FMNL2: variants seen among roughly 807,000 people sequenced by gnomAD.
FMNL2 encodes the protein formin like 2.
Under a neutral mutation model 130.2 loss-of-function variants are expected in FMNL2, and 51 were observed. That is an observed-to-expected ratio of 0.39 (90% CI 0.31 to 0.49). The LOEUF (loss-of-function observed/expected upper bound fraction) is 0.49, where lower values mean the gene tolerates loss of function less well. Among genes scored for constraint, FMNL2 ranks in the 20% least tolerant of loss-of-function variants. FMNL2 has a pLI of 0.85. For synonymous variants in FMNL2, 465 were observed against 467.1 expected (o/e 1.00, Z 0.06); for missense variants, 977 against 1,316.2 (o/e 0.74, Z 3.99).
chr2:152,526,681 CTGTT>C (rs1391860546), intron 2 of FMNL2, among the ~76,000 whole-genome samples: 3 of 152,240 alleles, frequency 2.0e-5, no homozygotes, highest in Middle Eastern at 3.4e-3. Flanking sequence ...TTTTTGCGAT[CTGTT>C]TAATTCTTTT....
At position 152,347,163 on chromosome 2, in the gene FMNL2, T is replaced by G. The variant is rs549521994; in HGVS notation, c.117+11443T>G. 3.9e-3 allele frequency among the ~76,000 whole-genome samples: 589 copies of G among 152,104 alleles called. 1 individual carries two copies. Among genetic ancestry groups the G allele is most frequent in the Non-Finnish European group, 6.5e-3 (441 of 67,990 alleles). On this transcript the variant is annotated intron_variant, in intron 1 of 25. Transcript: ENST00000288670. Reference sequence around the variant, plus strand: ...CTCCCAGATCAGGAATCAGAATCCCTCCCTCCCTCTTGTTCTTCAGGAGTG... The same window carrying G: ...CTCCCAGATCAGGAATCAGAATCCCGCCCTCCCTCTTGTTCTTCAGGAGTG...
intron 1 of FMNL2, among the ~76,000 whole-genome samples, chr2:152,337,655 A>G (rs1252020054): frequency 6.6e-6 from 1 of 152,140 alleles, no homozygotes; most frequent in Non-Finnish European, 1.5e-5. Context: ...AGTTGCAAAT[A>G]TAGTATTTAG....
At chr2:152,465,438 A>G (rs748274809) in intron 1 of FMNL2, among the ~76,000 whole-genome samples, 3 of 152,230 alleles carry the variant, frequency 2.0e-5, no homozygotes, top group Non-Finnish European at 2.9e-5. Context: ...CAAAGTGGTT[A>G]AAGTGGGACA....
intron 21 of FMNL2, 104 bp downstream of exon 21, chr2:152,632,241 C>G (rs1442401294): frequency 2.7e-6 from 4 of 1,466,886 alleles, no homozygotes; most frequent in Non-Finnish European, 3.7e-6. Flanking sequence ...TTTAAAAAGC[C>G]AAGGCTAAGA....
intron 9 of FMNL2, among the ~76,000 whole-genome samples, chr2:152,597,792 A>C (rs919497623): frequency 6.6e-6 from 1 of 152,216 alleles, no homozygotes; most frequent in African/African-American, 2.4e-5. Flanking sequence ...CTGGTACCCA[A>C]ATCCATTCTC....
chr2:152,442,254 T>C (rs1251953188), intron 1 of FMNL2, among the ~76,000 whole-genome samples: 1 of 151,814 alleles, frequency 6.6e-6, no homozygotes, highest in Admixed American at 6.6e-5. Context: ...TTCTTTTTCT[T>C]TTTCTTTTTT....
intron 9 of FMNL2, 99 bp from the exon 10 acceptor site, chr2:152,607,240 A>G (rs768905417): frequency 8.3e-6 from 8 of 964,720 alleles, no homozygotes; most frequent in Admixed American, 2.1e-5. Flanking sequence ...AGAAAAAGAT[A>G]GATATTCTGG....
At chr2:152,607,182 T>C (rs1698419097) in intron 9 of FMNL2, among the ~76,000 whole-genome samples, 157 bp from the exon 10 acceptor site, 1 of 152,148 alleles carries the variant, frequency 6.6e-6, no homozygotes, top group South Asian at 2.1e-4. Flanking sequence ...CTCATATGGC[T>C]GTTTGTGAGT....
chr2:152,492,862 T>C (rs1253825895), intron 1 of FMNL2, among the ~76,000 whole-genome samples: 1 of 152,168 alleles, frequency 6.6e-6, no homozygotes, highest in African/African-American at 2.4e-5. Flanking sequence ...AAAAAGAAAA[T>C]AGCCGATATA....
At chr2:152,625,166 T>G in intron 15 of FMNL2, 1 of 367,036 alleles carries the variant, frequency 2.7e-6, no homozygotes, top group Non-Finnish European at 5.0e-6. Context: ...TGCAGCAAAT[T>G]AGTTGCCTGA....
At chr2:152,358,184 T>G (rs1382095899) in intron 1 of FMNL2, among the ~76,000 whole-genome samples, 1 of 152,160 alleles carries the variant, frequency 6.6e-6, no homozygotes, top group African/African-American at 2.4e-5. Flanking sequence ...GCTTTTGGAC[T>G]CTTAGATTTA....
chr2:152,536,880 T>G (rs931310551), intron 2 of FMNL2, among the ~76,000 whole-genome samples: 1 of 152,240 alleles, frequency 6.6e-6, no homozygotes, highest in Non-Finnish European at 1.5e-5. Flanking sequence ...GCGGAAATGC[T>G]TATAACATGC....
intron 1 of FMNL2, among the ~76,000 whole-genome samples, chr2:152,402,939 G>A (rs1011736139): frequency 2.7e-4 from 41 of 152,256 alleles, no homozygotes; most frequent in African/African-American, 9.4e-4. Context: ...TTTAGTTGTC[G>A]TGGAGCCCCA....
intron 1 of FMNL2, among the ~76,000 whole-genome samples, chr2:152,359,655 G>A (rs904864726): frequency 3.3e-5 from 5 of 152,136 alleles, no homozygotes; most frequent in African/African-American, 7.2e-5. Flanking sequence ...TGATCTTTTG[G>A]TGGGAGAGAT....
intron 1 of FMNL2, among the ~76,000 whole-genome samples, chr2:152,461,845 T>C (rs575048788): frequency 2.6e-5 from 4 of 152,294 alleles, no homozygotes; most frequent in Admixed American, 1.3e-4. Flanking sequence ...AAATGTGCAA[T>C]GTTGGCACAG....
chr2:152,409,888 G>T (rs1042737084), intron 1 of FMNL2, among the ~76,000 whole-genome samples: 26 of 152,072 alleles, frequency 1.7e-4, no homozygotes, highest in African/African-American at 6.3e-4. Context: ...TGTAGTCAGG[G>T]TTATCAAAAT....
chr2:152,576,957 G>A (rs1696512184), intron 7 of FMNL2, among the ~76,000 whole-genome samples: 1 of 152,168 alleles, frequency 6.6e-6, no homozygotes, highest in South Asian at 2.1e-4. Context: ...AGAGGACATT[G>A]ACTTCACTAT....
At chr2:152,443,238 G>A (rs1235902806) in intron 1 of FMNL2, among the ~76,000 whole-genome samples, 1 of 152,158 alleles carries the variant, frequency 6.6e-6, no homozygotes, top group Non-Finnish European at 1.5e-5. Flanking sequence ...TCTGAGAGAG[G>A]TCAGGAAGCA....
At chr2:152,396,676 C>T (rs1230330341) in intron 1 of FMNL2, among the ~76,000 whole-genome samples, 1 of 152,144 alleles carries the variant, frequency 6.6e-6, no homozygotes, top group African/African-American at 2.4e-5. Context: ...TTATTTAAGT[C>T]AGGCTTTAAC....
Sources: allele counts gnomAD v4.1 joint callset (sites outside exome capture counted in the v4.1 genomes callset), GRCh38; gene constraint gnomAD v4.1.1; transcripts MANE v1.5; gene names NCBI Gene and HGNC (gene_info 2026-07-23, HGNC 2026-07-21).